The following DOP1B variants were observed in gnomAD, a reference collection of about 807,000 sequenced individuals.
The protein encoded by DOP1B is protein DOP1B.
Under a neutral mutation model 233.5 loss-of-function variants are expected in DOP1B, and 174 were observed. The observed-to-expected ratio is 0.75, with a 90% confidence interval of 0.66 to 0.85. The LOEUF (loss-of-function observed/expected upper bound fraction) is 0.85. DOP1B is among the 40% of genes least tolerant of loss of function. DOP1B has a pLI of 0.00. For missense variants in DOP1B, 2,652 were observed against 2,846.6 expected (o/e 0.93, Z 1.56); for synonymous variants, 1,190 against 1,185.6 (o/e 1.00, Z -0.08).
chr21:36,161,168 C>T (rs887006134), intron 1 of DOP1B, among the ~76,000 whole-genome samples: 1 of 151,812 alleles, frequency 6.6e-6, no homozygotes, highest in Non-Finnish European at 1.5e-5. Context: ...TTGGTGGGGA[C>T]AGAGTCTCAC....
intron 34 of DOP1B, 104 bp downstream of exon 34, chr21:36,288,915 T>C: frequency 1.4e-6 from 2 of 1,454,506 alleles, no homozygotes; most frequent in Non-Finnish European, 1.9e-6. Context: ...TATCTTGAAG[T>C]ACTTGTGAAA....
intron 24 of DOP1B, chr21:36,262,056 A>G: frequency 1.2e-6 from 1 of 821,606 alleles, no homozygotes; most frequent in African/African-American, 1.9e-5. Context: ...AACATTACAT[A>G]GTTATTCCCA....
chr21:36,184,682 G>A (rs369115932), intron 2 of DOP1B, among the ~76,000 whole-genome samples: 19 of 152,340 alleles, frequency 1.2e-4, no homozygotes, highest in African/African-American at 4.1e-4. Flanking sequence ...GAGGCTCTGC[G>A]TTCCCCTCCT....
Position 36,245,725 on chromosome 21 carries a change from G to A in DOP1B, c.3745G>A (p.Ala1249Thr). The change falls in exon 19 of 37, where the codon GCT (alanine) becomes ACT (threonine). Residue 1249 changes from alanine (A) to threonine (T), a missense_variant. By Grantham distance (58) the Ala-to-Thr change is moderately conservative. This residue lies in a region of DOP1B where 2,617 missense variants were observed against 2,794.3 expected (regional missense o/e 0.94). Coordinates refer to ENST00000691173, the MANE Select transcript of DOP1B (RefSeq NM_001320714.2). This position sits in a 1 kb window ranked among gnomAD's most constrained non-coding sequence, Gnocchi z 5.5. ...CCTCTATGCCTTCTCGGTGCTGGAG[G>A]CTGTGCTCAAAACCAACCCTAAGGA... ...RVLYAFSVLE[A>T]VLKTNPKEFI... 1 of 1,613,860 alleles carries A rather than the reference G, an allele frequency of 6.2e-7. No homozygotes were observed. Among genetic ancestry groups the A allele is most frequent in the South Asian group, 1.1e-5 (1 of 91,072 alleles).
At position 36,270,206 on chromosome 21, in the gene DOP1B, C is replaced by T. The variant is rs1015882590; in HGVS notation, c.5632+49C>T. The T allele has an allele frequency of 2.5e-6, 4 of 1,581,688 alleles. No homozygotes were observed. The African/African-American group carries it at 4.1e-5, about 16-fold the overall frequency. On this transcript the variant is annotated intron_variant, in intron 27 of 36. Coordinates refer to ENST00000691173, the MANE Select transcript of DOP1B (RefSeq NM_001320714.2). Reference sequence around the variant, plus strand: ...TAGTGCCTCTGGTCAGCGCGTGGTTCTGGCTTTTCCTTAAGAGAGATCTTG... The same window carrying T: ...TAGTGCCTCTGGTCAGCGCGTGGTTTTGGCTTTTCCTTAAGAGAGATCTTG...
chr21:36,198,127 A>G (rs2066314142), intron 2 of DOP1B, among the ~76,000 whole-genome samples: 1 of 151,720 alleles, frequency 6.6e-6, no homozygotes, highest in African/African-American at 2.4e-5. Flanking sequence ...AACATCAGAC[A>G]CTGTGTTATA....
intron 2 of DOP1B, among the ~76,000 whole-genome samples, chr21:36,191,408 C>G (rs1569010687): frequency 1.3e-5 from 2 of 152,188 alleles, no homozygotes; most frequent in African/African-American, 4.8e-5. Context: ...AATCCCTGGG[C>G]TGCCTCAGGG....
At chr21:36,233,621 G>A (rs574074660) in intron 15 of DOP1B, among the ~76,000 whole-genome samples, 5 of 152,232 alleles carry the variant, frequency 3.3e-5, no homozygotes, top group African/African-American at 9.6e-5. Flanking sequence ...CCGAAATGTC[G>A]TAGGTTTTCC....
intron 2 of DOP1B, among the ~76,000 whole-genome samples, chr21:36,165,683 G>A (rs1041923445): frequency 4.0e-5 from 6 of 151,496 alleles, no homozygotes; most frequent in Admixed American, 2.0e-4. Flanking sequence ...AACTGCACAT[G>A]TGAGGGATCT....
rs1362065323 is a variant in DOP1B, at chr21:36,170,215, G to A, written c.138+5344G>A. ...AAATTCCACCGGTAGAGCTCTCCCT[G>A]TGGTTTTGATTTGCATTTCCCTAAT... On this transcript the variant is annotated intron_variant, in intron 2 of 36. Transcript: ENST00000691173. The A allele has an allele frequency of 1.7e-5, 7 of 407,258 alleles. No homozygotes were observed. In the East Asian group the frequency reaches 2.9e-4, roughly 17 times the overall value. The allele number at this position is 407,258 out of a possible 1,614,324, so 25.2% of individuals were successfully genotyped here. A position where few individuals can be genotyped will look rare whatever the true frequency, so the allele number is the denominator to read the frequency against.
At chr21:36,265,416 A>C (rs2067219879) in intron 26 of DOP1B, among the ~76,000 whole-genome samples, 2 of 151,498 alleles carry the variant, frequency 1.3e-5, no homozygotes, top group African/African-American at 4.9e-5. Flanking sequence ...AAACAAAAAA[A>C]CAAAAACACC....
intron 23 of DOP1B, among the ~76,000 whole-genome samples, chr21:36,259,738 C>T (rs370140198): frequency 1.5e-4 from 23 of 152,290 alleles, no homozygotes; most frequent in African/African-American, 5.3e-4. Context: ...GGTTGTATTC[C>T]TTCACATTAC....
intron 4 of DOP1B, among the ~76,000 whole-genome samples, chr21:36,205,175 A>G (rs2066413608): frequency 6.6e-6 from 1 of 152,246 alleles, no homozygotes; most frequent in Non-Finnish European, 1.5e-5. Flanking sequence ...AAGCAGCTGC[A>G]GAACCAAAGT....
intron 30 of DOP1B, among the ~76,000 whole-genome samples, chr21:36,279,017 T>C (rs2067385312): frequency 6.6e-6 from 1 of 152,098 alleles, no homozygotes. Context: ...ACTTCTCGGC[T>C]GATACTCCAC....
At chr21:36,203,911 A>T (rs1052494720) in intron 4 of DOP1B, among the ~76,000 whole-genome samples, 1 of 151,456 alleles carries the variant, frequency 6.6e-6, no homozygotes, top group Middle Eastern at 3.2e-3. Context: ...AAATAGCTAC[A>T]TAGCTGTGTT....
chr21:36,245,934 C>A lies in DOP1B; in HGVS notation c.3954C>A (p.Leu1318=). 6.2e-7 allele frequency: 1 copy of A among 1,614,014 alleles called. No homozygotes were observed. The highest frequency in any genetic ancestry group is 8.5e-7 in the Non-Finnish European group (1 of 1,180,028). The change falls in exon 19 of 37, where the codon CTC becomes CTA. Residue 1318 remains leucine (L), a synonymous_variant. Coordinates refer to ENST00000691173, the MANE Select transcript of DOP1B (RefSeq NM_001320714.2). The surrounding 1 kb of genome is among the most constrained non-coding windows in gnomAD (Gnocchi z 5.5). Reference sequence around the variant, plus strand: ...TGCTCCTGGAGCTGCTCACCTACCTCTGCCTGAGCTTCCTGCGCTCCTACT... The same window carrying A: ...TGCTCCTGGAGCTGCTCACCTACCTATGCCTGAGCTTCCTGCGCTCCTACT... ...HSLLLELLTY[L]CLSFLRSYYP...
At chr21:36,193,707 G>A (rs1028967327) in intron 2 of DOP1B, among the ~76,000 whole-genome samples, 5 of 152,102 alleles carry the variant, frequency 3.3e-5, no homozygotes, top group Admixed American at 6.6e-5. Context: ...TGAGACTGAA[G>A]GGCATCACGG....
chr21:36,213,977 G>A (rs943801150), intron 7 of DOP1B, 104 bp from the exon 8 acceptor site: 1 of 1,014,194 alleles, frequency 9.9e-7, no homozygotes, highest in Non-Finnish European at 1.5e-6. Flanking sequence ...TTTTCCATCA[G>A]AAGAATGATA....
chr21:36,250,393 C>G (rs1286972577), intron 21 of DOP1B, among the ~76,000 whole-genome samples: 2 of 152,198 alleles, frequency 1.3e-5, no homozygotes, highest in Admixed American at 6.5e-5. Context: ...CAGACATTAA[C>G]TGGCAGTGTA....
Sources: allele counts gnomAD v4.1 joint callset (sites outside exome capture counted in the v4.1 genomes callset), GRCh38; gene constraint gnomAD v4.1.1; regional missense constraint gnomAD v4.1.1; non-coding constraint Gnocchi (gnomAD v3.1); transcripts MANE v1.5; gene names NCBI Gene and HGNC (gene_info 2026-07-23, HGNC 2026-07-21).